Variants in SOX5 observed in about 807,000 individuals in gnomAD.
SOX5 encodes the protein transcription factor SOX-5.
SOX5 carries 9 observed loss-of-function variants against 92.0 expected under a neutral mutation model. The ratio of observed to expected loss-of-function variants is 0.10; its 90% CI spans 0.06 to 0.17. The LOEUF is 0.17. SOX5 is among the 10% of genes least tolerant of loss of function. The pLI is 1.00. For synonymous variants in SOX5, 344 were observed against 336.3 expected (o/e 1.02, Z -0.25); for missense variants, 642 against 944.5 (o/e 0.68, Z 4.20).
intron 1 of SOX5, among the ~76,000 whole-genome samples, chr12:23,910,440 T>TCCTATTTTC (rs2097339568): frequency 6.6e-6 from 1 of 152,154 alleles, no homozygotes; most frequent in African/African-American, 2.4e-5. Context: ...CCCGCAGGTT[T>TCCTATTTTC]AAATACGCAT....
chr12:23,989,218 C>CAAAAAAAAAAAAAAA (rs554892984), intron 4 of SOX5, among the ~76,000 whole-genome samples: 1 of 104,472 alleles, frequency 9.6e-6, no homozygotes. Context: ...GCCAAAAATA[C>CAAAAAAAAAAAAAAA]AAAAAAAAAA....
chr12:24,056,177 C>T (rs1958080791), intron 4 of SOX5, among the ~76,000 whole-genome samples: 1 of 152,116 alleles, frequency 6.6e-6, no homozygotes, highest in South Asian at 2.1e-4. Context: ...CCTAATTGTG[C>T]ATACTGTTGA....
At chr12:24,093,588 T>C (rs887540071) in intron 4 of SOX5, among the ~76,000 whole-genome samples, 1 of 151,928 alleles carries the variant, frequency 6.6e-6, no homozygotes, top group African/African-American at 2.4e-5. Flanking sequence ...TCAAAAAAGT[T>C]TCATCATATC....
rs188531337 is a variant in SOX5, at chr12:23,870,657, C to T, written c.271-24464G>A. Among the ~76,000 whole-genome samples the T allele has an allele frequency of 7.4e-4, 113 of 152,200 alleles. 1 individual carries two copies. Among genetic ancestry groups the T allele is most frequent in the African/African-American group, 2.7e-3 (111 of 41,540 alleles). ...AGTTCTTATCACAATCCCATAATAA[C>T]TATTCAACCTATGTTTTCCCTTTAG... On this transcript the variant is annotated intron_variant, in intron 2 of 14. Coordinates refer to ENST00000451604, the MANE Select transcript of SOX5 (RefSeq NM_006940.6).
chr12:23,556,507 A>G (rs1443458576), intron 11 of SOX5, among the ~76,000 whole-genome samples: 2 of 152,194 alleles, frequency 1.3e-5, no homozygotes, highest in Non-Finnish European at 2.9e-5. Flanking sequence ...AAACATTGGG[A>G]ACATTTTTTA....
intron 1 of SOX5, among the ~76,000 whole-genome samples, chr12:23,947,371 G>T (rs7971757): frequency 0.75 from 113,423 of 151,676 alleles, 42,481 homozygotes; most frequent in East Asian, 0.88. Flanking sequence ...CTAATTATAT[G>T]TGATAGTTTA....
chr12:23,608,842 G>T (rs1304694909), intron 8 of SOX5, among the ~76,000 whole-genome samples: 1 of 152,128 alleles, frequency 6.6e-6, no homozygotes, highest in Non-Finnish European at 1.5e-5. Flanking sequence ...AATACACAAA[G>T]TAAGAAACTA....
rs188136556 is a variant in SOX5 at position 24,178,555 on chromosome 12, G to A, written c.-2+34788C>T. Among the ~76,000 whole-genome samples the A allele has an allele frequency of 4.2e-3, 643 of 152,274 alleles. 5 individuals are homozygous for A. Among genetic ancestry groups the A allele is most frequent in the Middle Eastern group, 0.037 (11 of 294 alleles). On this transcript the variant is annotated intron_variant, in intron 4 of 4. Coordinates refer to the SOX5 transcript ENST00000446891. ...GAGAAATACAGATTTTTATGTGACAGTTACTGATGTTTAAAGTTGGCAATT... is the reference window on the plus strand; with the variant it reads ...GAGAAATACAGATTTTTATGTGACAATTACTGATGTTTAAAGTTGGCAATT...
At chr12:24,199,762 C>G (rs866578201) in intron 4 of SOX5, among the ~76,000 whole-genome samples, 1 of 152,214 alleles carries the variant, frequency 6.6e-6, no homozygotes. Context: ...AATCCCTACA[C>G]TACCACTGCA....
chr12:23,547,601 G>A (rs897879207), intron 11 of SOX5, among the ~76,000 whole-genome samples: 1 of 151,902 alleles, frequency 6.6e-6, no homozygotes, highest in African/African-American at 2.4e-5. Flanking sequence ...CTCTGACAAT[G>A]TGACAACTGT....
At chr12:24,240,184 C>A (rs1250705322) in intron 3 of SOX5, among the ~76,000 whole-genome samples, 1 of 152,050 alleles carries the variant, frequency 6.6e-6, no homozygotes, top group African/African-American at 2.4e-5. Context: ...TAAGATATAG[C>A]CAAATCATAT....
intron 2 of SOX5, among the ~76,000 whole-genome samples, chr12:24,365,026 T>C (rs1344039099): frequency 1.3e-5 from 2 of 152,086 alleles, no homozygotes; most frequent in African/African-American, 4.8e-5. Context: ...GGAAAAATGA[T>C]ATATTTCTCC....
intron 1 of SOX5, among the ~76,000 whole-genome samples, chr12:24,495,638 T>C (rs1355602859): frequency 1.3e-5 from 2 of 152,170 alleles, no homozygotes; most frequent in Non-Finnish European, 2.9e-5. Flanking sequence ...TACACGCCAT[T>C]TCTGGTTTAG....
intron 3 of SOX5, among the ~76,000 whole-genome samples, chr12:24,218,398 T>C (rs1399437843): frequency 1.3e-5 from 2 of 152,178 alleles, no homozygotes; most frequent in African/African-American, 2.4e-5. Context: ...ATTGTATAAT[T>C]CTAAGTATAA....
intron 2 of SOX5, among the ~76,000 whole-genome samples, chr12:24,322,350 A>T (rs990214857): frequency 2.0e-5 from 3 of 152,146 alleles, no homozygotes; most frequent in Non-Finnish European, 4.4e-5. Context: ...AAGCTAAAAA[A>T]ATCACCTCCC....
intron 2 of SOX5, among the ~76,000 whole-genome samples, chr12:24,327,907 G>T (rs1950897588): frequency 6.6e-6 from 1 of 151,868 alleles, no homozygotes; most frequent in Non-Finnish European, 1.5e-5. Flanking sequence ...GGTCAGGCTG[G>T]TCTCGAACTT....
At chr12:23,796,907 T>TA (rs2095572880) in intron 3 of SOX5, among the ~76,000 whole-genome samples, 1 of 144,284 alleles carries the variant, frequency 6.9e-6, no homozygotes. Context: ...ATATATATAT[T>TA]TATATATATA....
intron 1 of SOX5, among the ~76,000 whole-genome samples, chr12:23,896,439 C>A (rs1322192952): frequency 1.3e-5 from 2 of 152,020 alleles, no homozygotes; most frequent in Non-Finnish European, 2.9e-5. Flanking sequence ...ACTAAAATTT[C>A]TTTCATCAAA....
At chr12:24,052,592 CAGTT>C (rs1279588807) in intron 4 of SOX5, among the ~76,000 whole-genome samples, 1 of 152,092 alleles carries the variant, frequency 6.6e-6, no homozygotes, top group African/African-American at 2.4e-5. Flanking sequence ...AATTTGAAAG[CAGTT>C]AGTGTTGTCA....
Sources: allele counts gnomAD v4.1 joint callset (sites outside exome capture counted in the v4.1 genomes callset), GRCh38; gene constraint gnomAD v4.1.1; transcripts MANE v1.5; gene names NCBI Gene and HGNC (gene_info 2026-07-23, HGNC 2026-07-21).